Variants in TMEM45B observed in about 807,000 individuals in gnomAD.
The protein encoded by TMEM45B is transmembrane protein 45B.
A neutral mutation model predicts 27.3 loss-of-function variants in TMEM45B; 29 were observed. The observed-to-expected ratio is 1.06, with a 90% CI of 0.79 to 1.45. The LOEUF (loss-of-function observed/expected upper bound fraction) is 1.45. Among genes scored for constraint, TMEM45B ranks in the 40% most tolerant of loss-of-function variants. TMEM45B has a pLI of 0.00. For missense variants in TMEM45B, 348 were observed against 343.9 expected, an observed-to-expected ratio of 1.01 and a Z score of -0.09; for synonymous variants, 143 against 134.7, an observed-to-expected ratio of 1.06 and a Z score of -0.43.
intron 1 of TMEM45B, among the ~76,000 whole-genome samples, chr11:129,826,567 A>AAAAAAAAAAAGAAAAAT (rs1199881268): frequency 4.2e-5 from 4 of 96,124 alleles, no homozygotes; most frequent in Admixed American, 2.6e-4. Context: ...AAAAAAAAAA[A>AAAAAAAAAAAGAAAAAT]AGGACCCTGA....
chr11:129,816,167 C>T (rs1947347691), intron 1 of TMEM45B, among the ~76,000 whole-genome samples: 1 of 152,164 alleles, frequency 6.6e-6, no homozygotes. Flanking sequence ...ACTCCCACCG[C>T]CCCCGAGTGC....
chr11:129,859,857 TAA>T lies in TMEM45B; in HGVS notation c.*1174_*1175del, dbSNP rs925373810. ...CAGACTTCCTTCAACAAATATTTAT[TAA>T]ATATCCACTTTGCAACAGCACTGAA... On this transcript the variant is annotated 3_prime_UTR_variant, in exon 6 of 6. Coordinates refer to ENST00000281441, the MANE Select transcript of TMEM45B (RefSeq NM_138788.5). 1 of 152,500 alleles carries T rather than the reference TAA, an allele frequency of 6.6e-6. No individual in the cohort carries two copies. Among genetic ancestry groups the T allele is most frequent in the Non-Finnish European group, 1.5e-5 (1 of 68,056 alleles). 9.4% of individuals were successfully genotyped at this position (152,500 alleles called of 1,614,324 possible). A position where few individuals can be genotyped will look rare whatever the true frequency, so the allele number is the denominator to read the frequency against.
chr11:129,854,796 C>T lies in TMEM45B; in HGVS notation c.365C>T (p.Ala122Val). Residue 122 changes from alanine to valine, a missense_variant, in exon 3 of 6, where the codon GCT (alanine) becomes GTT (valine). Physicochemically the swap from Ala to Val is moderately conservative, Grantham distance 64. Transcript: ENST00000281441. ...VPLGVDRLVMAVAVFMEGFLF... is the reference protein window; with the variant it reads ...VPLGVDRLVMVVAVFMEGFLF... ...TTGGGGGTGGACAGACTGGTTATGGCTGTGGCAGTATTCATGGAAGGTAAT... is the reference window on the plus strand; with the variant it reads ...TTGGGGGTGGACAGACTGGTTATGGTTGTGGCAGTATTCATGGAAGGTAAT... 6.2e-7 allele frequency: 1 copy of T among 1,613,856 alleles called. No homozygotes were observed. The highest frequency in any genetic ancestry group is 8.5e-7 in the Non-Finnish European group (1 of 1,180,028).
chr11:129,840,976 AAAC>A lies in TMEM45B; in HGVS notation c.-8-11495_-8-11493del, dbSNP rs1947683936. On this transcript the variant is annotated intron_variant, in intron 1 of 5. Transcript: ENST00000281441. ...AAAAAAAAAAAAAAAAAAAAGCAAC[AAAC>A]AACCAAAAAATATATAAAACTAGAC... Among the ~76,000 whole-genome samples the A allele has an allele frequency of 2.0e-5, 3 of 150,644 alleles. No homozygotes were observed. The South Asian group carries it at 6.3e-4, about 32-fold the overall frequency.
At chr11:129,833,982 C>T (rs1947585860) in intron 1 of TMEM45B, among the ~76,000 whole-genome samples, 1 of 152,190 alleles carries the variant, frequency 6.6e-6, no homozygotes, top group African/African-American at 2.4e-5. Context: ...GACTTTGTTA[C>T]AGCAGCCCTG....
chr11:129,816,796 G>A (rs1477413847), intron 1 of TMEM45B, among the ~76,000 whole-genome samples: 1 of 134,682 alleles, frequency 7.4e-6, no homozygotes, highest in African/African-American at 2.8e-5. Flanking sequence ...GGAGTGCAGT[G>A]GCGCAATCTC....
At chr11:129,822,986 G>A (rs1260408391) in intron 1 of TMEM45B, among the ~76,000 whole-genome samples, 2 of 151,498 alleles carry the variant, frequency 1.3e-5, no homozygotes, top group African/African-American at 4.9e-5. Context: ...GATTACAGGC[G>A]CCCACCACCA....
rs1193901293 is a variant in TMEM45B at position 129,857,313 on chromosome 11, A to G, written c.571A>G (p.Ile191Val). Reference protein sequence around the residue: ...IILQGTWFWQIGFVLFPPFGT... With the variant: ...IILQGTWFWQVGFVLFPPFGT... ...CCAACTTCTCTCTGTAATCCCCTAG[A>G]TTGGGTTTGTGCTGTTCCCACCTTT... Residue 191 changes from isoleucine to valine, a missense_variant and splice_region_variant, in exon 5 of 6, where the codon ATT becomes GTT. By Grantham distance (29) the Ile-to-Val change is conservative. Coordinates refer to ENST00000281441, the MANE Select transcript of TMEM45B (RefSeq NM_138788.5). The G allele has an allele frequency of 6.2e-7, 1 of 1,613,944 alleles. No individual in the cohort carries two copies. Among genetic ancestry groups the G allele is most frequent in the East Asian group, 2.2e-5 (1 of 44,874 alleles).
chr11:129,840,313 G>A (rs1771532070), intron 1 of TMEM45B, among the ~76,000 whole-genome samples: 1 of 152,156 alleles, frequency 6.6e-6, no homozygotes, highest in African/African-American at 2.4e-5. Flanking sequence ...TTTTAGACGA[G>A]GTAAAAGGGA....
At chr11:129,837,443 G>A (rs1591441279) in intron 1 of TMEM45B, among the ~76,000 whole-genome samples, 1 of 151,554 alleles carries the variant, frequency 6.6e-6, no homozygotes, top group Non-Finnish European at 1.5e-5. Flanking sequence ...CCACGACCAT[G>A]CCCGGCTAAT....
chr11:129,847,941 T>C (rs1426889337), intron 1 of TMEM45B, among the ~76,000 whole-genome samples: 1 of 151,584 alleles, frequency 6.6e-6, no homozygotes, highest in African/African-American at 2.4e-5. Context: ...GCAGAGGGGC[T>C]CCTCACTTCC....
intron 1 of TMEM45B, among the ~76,000 whole-genome samples, chr11:129,832,179 G>T (rs1263711805): frequency 6.6e-6 from 1 of 151,196 alleles, no homozygotes; most frequent in Non-Finnish European, 1.5e-5. Context: ...GACCATCCTA[G>T]CTAACACGGT....
chr11:129,856,857 CTTTTT>C (rs34320792), intron 4 of TMEM45B, among the ~76,000 whole-genome samples: 1 of 129,770 alleles, frequency 7.7e-6, no homozygotes, highest in South Asian at 2.5e-4. Flanking sequence ...CCGCGCCCGG[CTTTTT>C]TTTTTTTTTT....
intron 1 of TMEM45B, among the ~76,000 whole-genome samples, chr11:129,845,250 T>C (rs1387333895): frequency 7.1e-6 from 1 of 141,218 alleles, no homozygotes; most frequent in Non-Finnish European, 1.5e-5. Context: ...TATATATTAA[T>C]GGCTTATTTT....
At chr11:129,827,211 C>T (rs10791055) in intron 1 of TMEM45B, 15,990 of 152,326 alleles carry the variant, frequency 0.1, 864 homozygotes, top group Admixed American at 0.12. Flanking sequence ...TGGTGCTTAA[C>T]GACAGGGACA....
chr11:129,818,497 T>C lies in TMEM45B; in HGVS notation c.-9+2599T>C, dbSNP rs182109818. Among the ~76,000 whole-genome samples, 103 of 152,272 alleles carry C rather than the reference T, an allele frequency of 6.8e-4. 1 individual carries two copies. The highest frequency in any genetic ancestry group is 6.6e-3 in the Admixed American group (101 of 15,294). ...CAGATTAGAATCCGTATTTCAAAAA[T>C]GAGGAGATGGAAACAGAGATATTGT... On this transcript the variant is annotated intron_variant, in intron 1 of 5. Coordinates refer to ENST00000281441, the MANE Select transcript of TMEM45B (RefSeq NM_138788.5).
chr11:129,816,051 CAG>C (rs937466175), intron 1 of TMEM45B, among the ~76,000 whole-genome samples, 153 bp downstream of exon 1: 3 of 152,042 alleles, frequency 2.0e-5, no homozygotes, highest in African/African-American at 7.2e-5. Context: ...GGCTCTGGGA[CAG>C]GGGTGAAGGC....
intron 1 of TMEM45B, chr11:129,828,366 A>T (rs923701031): frequency 3.3e-5 from 5 of 152,108 alleles, no homozygotes; most frequent in Non-Finnish European, 5.9e-5. Flanking sequence ...GTTCCCAAGA[A>T]CCTCCCACAC....
At chr11:129,822,962 T>C (rs1443279163) in intron 1 of TMEM45B, among the ~76,000 whole-genome samples, 2 of 150,672 alleles carry the variant, frequency 1.3e-5, no homozygotes, top group Non-Finnish European at 2.9e-5. Context: ...TACCTCAGCC[T>C]CCTGAGTAGC....
Sources: gnomAD v4.1 joint callset for allele counts (sites outside exome capture counted in the v4.1 genomes callset) on GRCh38, gnomAD v4.1.1 for gene constraint, MANE v1.5 for transcripts, NCBI Gene and HGNC (gene_info 2026-07-23, HGNC 2026-07-21) for gene names.